Variants in PLPPR5 observed in about 807,000 individuals in gnomAD.
PLPPR5 encodes the protein phospholipid phosphatase related 5.
In PLPPR5, 16 loss-of-function variants were observed where a neutral mutation model predicts 33.9. That is an observed-to-expected ratio of 0.47 (90% CI 0.32 to 0.72). PLPPR5 has a LOEUF of 0.72. Among genes scored for constraint, PLPPR5 ranks in the 30% least tolerant of loss-of-function variants. The probability of loss-of-function intolerance (pLI) is 0.03; values close to 1 mark genes in which losing one functional copy is unlikely to be tolerated. For synonymous variants in PLPPR5, 163 were observed against 150.3 expected, an observed-to-expected ratio of 1.08 and a Z score of -0.62; for missense variants, 301 against 406.7, an observed-to-expected ratio of 0.74 and a Z score of 2.23.
intron 4 of PLPPR5, among the ~76,000 whole-genome samples, chr1:98,916,097 G>A (rs1369370726): frequency 6.6e-6 from 1 of 152,056 alleles, no homozygotes; most frequent in Admixed American, 6.6e-5. Flanking sequence ...TTCTTTCATA[G>A]AGTTCATTAC....
intron 1 of PLPPR5, among the ~76,000 whole-genome samples, chr1:98,982,274 GTT>G (rs2100753062): frequency 6.6e-6 from 1 of 152,122 alleles, no homozygotes; most frequent in South Asian, 2.1e-4. Flanking sequence ...GATGCCAATG[GTT>G]TGGACTGAGC....
chr1:98,959,640 C>T lies in PLPPR5; in HGVS notation c.238-2899G>A, dbSNP rs190588115. On this transcript the variant is annotated intron_variant, in intron 1 of 5. Transcript: ENST00000263177. ...TTCTGCCAGCCAGTGCTCCTGATTC[C>T]GAGCATACATGATTTCCCCAGTTGT... 4.5e-4 allele frequency among the ~76,000 whole-genome samples: 69 copies of T among 152,194 alleles called. 1 individual carries two copies. In the South Asian group the frequency reaches 5.4e-3, roughly 12 times the overall value.
rs189031781 is a variant in PLPPR5 at position 98,921,890 on chromosome 1, C to T, written c.790G>A (p.Val264Ile). Reference sequence around the variant, plus strand: ...AATAAATTTGTACTTACCAGAAATACTGCTATAGATATTCCAACCAGAAAG... The same window carrying T: ...AATAAATTTGTACTTACCAGAAATATTGCTATAGATATTCCAACCAGAAAG... ...AGFLVGISIA[V>I]FLVVCVVNNF... The change falls in exon 4 of 6, where the codon GTA (valine) becomes ATA (isoleucine). Residue 264 changes from valine (V) to isoleucine (I), a missense_variant. Val to Ile is a conservative substitution (Grantham distance 29). Transcript: ENST00000263177. 9.3e-6 allele frequency: 15 copies of T among 1,606,568 alleles called. No homozygotes were observed. The Admixed American group carries it at 2.6e-4, about 28-fold the overall frequency.
intron 1 of PLPPR5, among the ~76,000 whole-genome samples, chr1:98,958,503 G>C (rs1651105477): frequency 6.6e-6 from 1 of 152,066 alleles, no homozygotes; most frequent in South Asian, 2.1e-4. Flanking sequence ...TATTTGGTGA[G>C]AGTGGATTGA....
chr1:98,927,108 G>A (rs1257708241), intron 3 of PLPPR5, among the ~76,000 whole-genome samples: 1 of 152,194 alleles, frequency 6.6e-6, no homozygotes, highest in Non-Finnish European at 1.5e-5. Flanking sequence ...GTGGGATATT[G>A]AAGTCATAAA....
intron 3 of PLPPR5, among the ~76,000 whole-genome samples, chr1:98,933,257 G>A (rs2101179827): frequency 6.6e-6 from 1 of 151,816 alleles, no homozygotes; most frequent in Middle Eastern, 3.4e-3. Context: ...AGGCTGAGGT[G>A]GGTGGATCAC....
chr1:98,957,227 C>T lies in PLPPR5; in HGVS notation c.238-486G>A, dbSNP rs914956675. On this transcript the variant is annotated intron_variant, in intron 1 of 5. Coordinates refer to ENST00000263177, the MANE Select transcript of PLPPR5 (RefSeq NM_001037317.2). ...GGGAGGGATAGCATTGGGAGATATA[C>T]CTAATGCTAGATGACGAGTTAGTGG... Among the ~76,000 whole-genome samples the T allele has an allele frequency of 7.3e-5, 11 of 151,204 alleles. 1 individual carries two copies. Among genetic ancestry groups the T allele is most frequent in the Non-Finnish European group, 1.2e-4 (8 of 67,854 alleles).
intron 1 of PLPPR5, among the ~76,000 whole-genome samples, chr1:98,971,669 C>T (rs1309407469): frequency 6.6e-6 from 1 of 152,044 alleles, no homozygotes. Context: ...TATTGAGAGT[C>T]ATCACATCCC....
intron 1 of PLPPR5, among the ~76,000 whole-genome samples, chr1:98,986,295 G>A (rs564406129): frequency 6.6e-6 from 1 of 151,838 alleles, no homozygotes; most frequent in Non-Finnish European, 1.5e-5. Context: ...TGAAAAAATT[G>A]TTCTAGAGGA....
intron 2 of PLPPR5, among the ~76,000 whole-genome samples, chr1:98,956,288 A>G (rs1412102309): frequency 6.6e-6 from 1 of 152,248 alleles, no homozygotes; most frequent in African/African-American, 2.4e-5. Context: ...GACATCCTAA[A>G]GTGGGATCTT....
chr1:99,003,625 A>G (rs1652950678), intron 1 of PLPPR5, among the ~76,000 whole-genome samples: 1 of 152,236 alleles, frequency 6.6e-6, no homozygotes, highest in Admixed American at 6.5e-5. Flanking sequence ...CAATAATTTC[A>G]TATGTATATA....
intron 3 of PLPPR5, among the ~76,000 whole-genome samples, chr1:98,947,797 T>C (rs1359093190): frequency 2.0e-5 from 3 of 152,168 alleles, no homozygotes; most frequent in Non-Finnish European, 2.9e-5. Context: ...CTAATAATAG[T>C]GGTCATGGCA....
rs943847727 is a variant in PLPPR5, at chr1:98,891,099, C to T, written c.*1973G>A. On this transcript the variant is annotated 3_prime_UTR_variant, in exon 6 of 6. Coordinates refer to ENST00000263177, the MANE Select transcript of PLPPR5 (RefSeq NM_001037317.2). Reference sequence around the variant, plus strand: ...CACTTTCATTCTCAATAAGTGAATTCCCTATTACTGTTATTGCCTAAAAAA... The same window carrying T: ...CACTTTCATTCTCAATAAGTGAATTTCCTATTACTGTTATTGCCTAAAAAA... The T allele has an allele frequency of 1.3e-5, 2 of 152,070 alleles. No individual in the cohort carries two copies. The highest frequency in any genetic ancestry group is 6.6e-5 in the Admixed American group (1 of 15,246). The allele number at this position is 152,070 out of a possible 1,614,324, so 9.4% of individuals were successfully genotyped here.
intron 3 of PLPPR5, among the ~76,000 whole-genome samples, chr1:98,944,141 A>G (rs1358464580): frequency 6.6e-6 from 1 of 152,180 alleles, no homozygotes; most frequent in Non-Finnish European, 1.5e-5. Flanking sequence ...GGGGAGATAA[A>G]TCCTACAATA....
At chr1:98,924,946 A>G (rs1372828212) in intron 3 of PLPPR5, among the ~76,000 whole-genome samples, 2 of 152,232 alleles carry the variant, frequency 1.3e-5, no homozygotes, top group Non-Finnish European at 2.9e-5. Flanking sequence ...AGATCATAGC[A>G]GTGCTTTATA....
At chr1:98,906,892 G>C (rs543805608) in intron 5 of PLPPR5, among the ~76,000 whole-genome samples, 57 of 152,128 alleles carry the variant, frequency 3.7e-4, no homozygotes, top group Non-Finnish European at 6.3e-4. Flanking sequence ...CAGATACAAT[G>C]ATTCATATGT....
intron 5 of PLPPR5, among the ~76,000 whole-genome samples, chr1:98,894,704 G>A (rs1195734727): frequency 6.6e-6 from 1 of 152,068 alleles, no homozygotes; most frequent in African/African-American, 2.4e-5. Context: ...AGGCCTCAGG[G>A]TTCCCATTGT....
intron 3 of PLPPR5, among the ~76,000 whole-genome samples, chr1:98,951,382 A>G (rs1038152841): frequency 6.6e-6 from 1 of 152,220 alleles, no homozygotes; most frequent in Non-Finnish European, 1.5e-5. Context: ...TAAAGAAAAC[A>G]GGGGAAATTA....
At chr1:98,899,432 A>C (rs1648603664) in intron 5 of PLPPR5, among the ~76,000 whole-genome samples, 1 of 152,198 alleles carries the variant, frequency 6.6e-6, no homozygotes, top group Non-Finnish European at 1.5e-5. Context: ...GTGATTAATG[A>C]AGTAAGCATT....
Sources: allele counts gnomAD v4.1 joint callset (sites outside exome capture counted in the v4.1 genomes callset), GRCh38; gene constraint gnomAD v4.1.1; transcripts MANE v1.5; gene names NCBI Gene and HGNC (gene_info 2026-07-23, HGNC 2026-07-21).